Variants in MTUS2 observed in about 807,000 individuals in gnomAD.
The protein encoded by MTUS2 is microtubule-associated tumor suppressor candidate 2.
Under a neutral mutation model 114.1 loss-of-function variants are expected in MTUS2, and 40 were observed. The ratio of observed to expected loss-of-function variants is 0.35; its 90% confidence interval spans 0.27 to 0.46. The LOEUF is 0.46. Ranked by LOEUF, MTUS2 falls within the 20% of genes least tolerant of loss-of-function variation. The probability of loss-of-function intolerance (pLI) is 1.00; values close to 1 mark genes in which losing one functional copy is unlikely to be tolerated. For synonymous variants in MTUS2, 688 were observed against 672.0 expected, an observed-to-expected ratio of 1.02 and a Z score of -0.37; for missense variants, 1,679 against 1,705.4, an observed-to-expected ratio of 0.98 and a Z score of 0.27.
At chr13:28,855,624 A>G (rs1876576139) in intron 2 of MTUS2, among the ~76,000 whole-genome samples, 2 of 152,148 alleles carry the variant, frequency 1.3e-5, no homozygotes, top group Admixed American at 6.5e-5. Flanking sequence ...TTATGGCTGC[A>G]TAGTATTCCA....
chr13:29,461,111 G>A (rs80107392), intron 9 of MTUS2, among the ~76,000 whole-genome samples: 5 of 152,212 alleles, frequency 3.3e-5, no homozygotes, highest in Non-Finnish European at 7.4e-5. Context: ...CCTGCTTCTG[G>A]TAAGGGCCAA....
At chr13:29,336,313 C>T (rs1029365964) in intron 7 of MTUS2, among the ~76,000 whole-genome samples, 15 of 152,094 alleles carry the variant, frequency 9.9e-5, no homozygotes, top group Admixed American at 3.3e-4. Flanking sequence ...GGTGACCTTC[C>T]GATGGGGTTT....
chr13:29,281,401 G>A (rs551073293), intron 5 of MTUS2, among the ~76,000 whole-genome samples: 9 of 148,922 alleles, frequency 6.0e-5, no homozygotes, highest in African/African-American at 2.0e-4. Context: ...GTGTGTGTGT[G>A]CATGTATGTA....
rs777295429 is a variant in MTUS2 at position 29,359,423 on chromosome 13, A to C, written c.3067A>C (p.Ile1023Leu). Reference protein sequence around the residue: ...GVAQGELKRAICGFDALAVAT... With the variant: ...GVAQGELKRALCGFDALAVAT... Reference sequence around the variant, plus strand: ...TGCGCAAGGGGAGCTGAAGAGGGCCATCTGCGGCTTTGATGCCCTCGCCGT... The same window carrying C: ...TGCGCAAGGGGAGCTGAAGAGGGCCCTCTGCGGCTTTGATGCCCTCGCCGT... Residue 1023 changes from isoleucine to leucine, a missense_variant, in exon 8 of 16, where the codon ATC (isoleucine) becomes CTC (leucine). Ile to Leu is a conservative substitution (Grantham distance 5, BLOSUM62 2). Coordinates refer to ENST00000612955, the MANE Select transcript of MTUS2 (RefSeq NM_001033602.4). 77 of 1,613,282 alleles carry C rather than the reference A, an allele frequency of 4.8e-5. No individual in the cohort carries two copies. In the South Asian group the frequency reaches 7.5e-4, roughly 16 times the overall value.
intron 6 of MTUS2, among the ~76,000 whole-genome samples, chr13:29,284,249 G>A (rs1394915339): frequency 6.6e-6 from 1 of 152,122 alleles, no homozygotes; most frequent in East Asian, 1.9e-4. Flanking sequence ...ATAGCTCTTT[G>A]TATCAACATT....
intron 5 of MTUS2, among the ~76,000 whole-genome samples, chr13:29,130,171 T>A (rs1385552233): frequency 1.3e-5 from 2 of 152,008 alleles, no homozygotes; most frequent in Non-Finnish European, 2.9e-5. Flanking sequence ...TGTGTAGATT[T>A]TGAGTATGTC....
chr13:29,334,580 T>C (rs998301604), intron 7 of MTUS2, among the ~76,000 whole-genome samples: 13 of 152,254 alleles, frequency 8.5e-5, no homozygotes, highest in African/African-American at 3.1e-4. Flanking sequence ...GCTGTTATTC[T>C]GATGGGCTTC....
In MTUS2 at chr13:28,894,078, C is replaced by T. The variant is rs150097834; in HGVS notation, c.-243+54228C>T. Among the ~76,000 whole-genome samples, 12 of 151,782 alleles carry T rather than the reference C, an allele frequency of 7.9e-5. No individual in the cohort carries two copies. The East Asian group carries it at 2.1e-3, about 27-fold the overall frequency. ...GGCTATCCCACGCTGTTTAACTTCC[C>T]TCTTCATCTCTTTTTCTGCTATGGA... On this transcript the variant is annotated intron_variant, in intron 2 of 15. Coordinates refer to ENST00000612955, the MANE Select transcript of MTUS2 (RefSeq NM_001033602.4).
At chr13:29,127,497 A>G (rs184734824) in intron 5 of MTUS2, among the ~76,000 whole-genome samples, 88 of 152,314 alleles carry the variant, frequency 5.8e-4, no homozygotes, top group African/African-American at 1.9e-3. Flanking sequence ...AAAGAGCAAA[A>G]CTGAGGCTTC....
intron 8 of MTUS2, among the ~76,000 whole-genome samples, chr13:29,422,372 G>T (rs1194821614): frequency 1.3e-5 from 2 of 152,054 alleles, no homozygotes; most frequent in African/African-American, 4.8e-5. Context: ...TGAGAGTTAC[G>T]TGAGATACAG....
intron 8 of MTUS2, among the ~76,000 whole-genome samples, chr13:29,396,691 T>C: frequency 6.6e-6 from 1 of 152,194 alleles, no homozygotes; most frequent in African/African-American, 2.4e-5. Flanking sequence ...TGCAATTCCT[T>C]ACATCAAATA....
chr13:29,368,083 T>C (rs1035447073), intron 8 of MTUS2, among the ~76,000 whole-genome samples: 8 of 151,872 alleles, frequency 5.3e-5, no homozygotes, highest in African/African-American at 1.5e-4. Flanking sequence ...GGACTACAGG[T>C]GCCTGCCACC....
At chr13:29,281,435 G>A (rs1016992297) in intron 5 of MTUS2, among the ~76,000 whole-genome samples, 1 of 150,942 alleles carries the variant, frequency 6.6e-6, no homozygotes, top group African/African-American at 2.5e-5. Context: ...GTGTGTGTGT[G>A]TGTGTGTGTG....
chr13:28,821,677 T>C (rs575289550), intron 1 of MTUS2, among the ~76,000 whole-genome samples: 2 of 152,358 alleles, frequency 1.3e-5, no homozygotes, highest in African/African-American at 2.4e-5. Flanking sequence ...ATACCTGTAA[T>C]GTTAAAAAGC....
At chr13:29,250,267 G>GCA (rs1897076362) in intron 5 of MTUS2, 1 of 151,986 alleles carries the variant, frequency 6.6e-6, no homozygotes, top group Admixed American at 6.6e-5. Flanking sequence ...TGTGACCAGG[G>GCA]CATGTTCATT....
upstream of MTUS2, among the ~76,000 whole-genome samples, chr13:28,820,152 G>T (rs1360012193): frequency 6.8e-6 from 1 of 146,880 alleles, no homozygotes; most frequent in Non-Finnish European, 1.5e-5. Flanking sequence ...TCTTTGTCCA[G>T]GCGAGGCGGC....
intron 5 of MTUS2, among the ~76,000 whole-genome samples, chr13:29,179,182 C>T (rs753191374): frequency 6.6e-6 from 1 of 152,138 alleles, no homozygotes; most frequent in Non-Finnish European, 1.5e-5. Flanking sequence ...AAGAGACAGT[C>T]AGATCAGTTT....
chr13:29,155,435 G>T (rs369922461), intron 5 of MTUS2, among the ~76,000 whole-genome samples: 35 of 152,192 alleles, frequency 2.3e-4, no homozygotes, highest in African/African-American at 7.5e-4. Context: ...AAGACAAAGT[G>T]GAGCTGTTGT....
intron 4 of MTUS2, among the ~76,000 whole-genome samples, chr13:29,094,218 T>C (rs1246298275): frequency 8.9e-6 from 1 of 111,802 alleles, no homozygotes; most frequent in African/African-American, 3.1e-5. Context: ...TAGAATGAGT[T>C]TAGAAGTATT....
Sources: gnomAD v4.1 joint callset for allele counts (sites outside exome capture counted in the v4.1 genomes callset) on GRCh38, gnomAD v4.1.1 for gene constraint, MANE v1.5 for transcripts, NCBI Gene and HGNC (gene_info 2026-07-23, HGNC 2026-07-21) for gene names.